Variants in OSBPL2 observed in about 807,000 individuals in gnomAD.
OSBPL2 encodes the protein oxysterol binding protein like 2.
Under a neutral mutation model 58.4 loss-of-function variants are expected in OSBPL2, and 18 were observed. The ratio of observed to expected loss-of-function variants is 0.31; its 90% CI spans 0.21 to 0.46. The LOEUF (loss-of-function observed/expected upper bound fraction) is 0.46. Among genes scored for constraint, OSBPL2 ranks in the 20% least tolerant of loss-of-function variants. OSBPL2 has a pLI of 1.00. For missense variants in OSBPL2, 461 were observed against 616.5 expected (o/e 0.75, Z 2.67); for synonymous variants, 221 against 234.1 (o/e 0.94, Z 0.51).
rs1338241604 is a variant in OSBPL2, at chr20:62,290,146, TTCTC to T, written c.1249+817_1249+820del. ...TCTGTAACATGGCAGATGAACAACT[TTCTC>T]ACTCACTCATCTAGATGGAATCCGC... On this transcript the variant is annotated intron_variant, in intron 12 of 13. Transcript: ENST00000313733. Among the ~76,000 whole-genome samples, 4 of 152,132 alleles carry T rather than the reference TTCTC, an allele frequency of 2.6e-5. 1 individual carries two copies. The highest frequency in any genetic ancestry group is 2.1e-4 in the South Asian group (1 of 4,820).
chr20:62,262,139 C>T (rs1377463406), intron 3 of OSBPL2, among the ~76,000 whole-genome samples: 1 of 151,582 alleles, frequency 6.6e-6, no homozygotes, highest in Non-Finnish European at 1.5e-5. Context: ...GACCACATGG[C>T]CGGCCTCACA....
intron 12 of OSBPL2, chr20:62,291,298 A>G: frequency 6.5e-6 from 2 of 306,678 alleles, no homozygotes; most frequent in Admixed American, 4.6e-5. Flanking sequence ...GGGAAGGTCA[A>G]GGCTAAAGGG....
chr20:62,292,906 T>C (rs957357260), intron 13 of OSBPL2, among the ~76,000 whole-genome samples: 2 of 151,972 alleles, frequency 1.3e-5, no homozygotes, highest in African/African-American at 2.4e-5. Context: ...TTGTTGTTGT[T>C]GCCCAGGCTG....
intron 3 of OSBPL2, among the ~76,000 whole-genome samples, chr20:62,262,257 C>G (rs942235600): frequency 4.6e-5 from 7 of 152,200 alleles, no homozygotes; most frequent in Admixed American, 3.9e-4. Context: ...AAAGCCAGCA[C>G]CCTCACCTGT....
intron 1 of OSBPL2, among the ~76,000 whole-genome samples, chr20:62,242,870 C>T (rs1362010513): frequency 1.3e-5 from 2 of 152,140 alleles, no homozygotes; most frequent in Non-Finnish European, 2.9e-5. Context: ...GAGCACCAGG[C>T]AGGGAGGACT....
Position 62,256,054 on chromosome 20 carries a change from TAGA to T in OSBPL2, c.-128-2_-128del. On this transcript the variant is annotated splice_acceptor_variant and 5_prime_UTR_variant, in exon 2 of 14. Coordinates refer to ENST00000313733, the MANE Select transcript of OSBPL2 (RefSeq NM_144498.4). LOFTEE classifies it low-confidence loss of function (5UTR_SPLICE). ...AAGTATGCCAAAATTTTTTTCCCTTTAGATCTTCAGTGTCTATTGGATTTTTCC... is the reference window on the plus strand; with the variant it reads ...AAGTATGCCAAAATTTTTTTCCCTTTTCTTCAGTGTCTATTGGATTTTTCC... The T allele has an allele frequency of 1.8e-6, 2 of 1,110,112 alleles. No individual in the cohort carries two copies. The highest frequency in any genetic ancestry group is 1.3e-6 in the Non-Finnish European group (1 of 788,336). The allele number at this position is 1,110,112 out of a possible 1,614,324, so 68.8% of individuals were successfully genotyped here. A position where few individuals can be genotyped will look rare whatever the true frequency, so the allele number is the denominator to read the frequency against.
At chr20:62,258,078 G>T (rs1375296429) in intron 2 of OSBPL2, among the ~76,000 whole-genome samples, 2 of 152,120 alleles carry the variant, frequency 1.3e-5, no homozygotes, top group African/African-American at 2.4e-5. Context: ...GTGTGATGTG[G>T]TACTCAGATG....
At chr20:62,278,071 C>T (rs957499142) in intron 6 of OSBPL2, among the ~76,000 whole-genome samples, 1 of 152,222 alleles carries the variant, frequency 6.6e-6, no homozygotes, top group East Asian at 1.9e-4. Context: ...CTGGGTACCT[C>T]TAGCCAGACA....
At chr20:62,287,642 G>A (rs1190040184) in intron 11 of OSBPL2, among the ~76,000 whole-genome samples, 1 of 152,102 alleles carries the variant, frequency 6.6e-6, no homozygotes, top group Non-Finnish European at 1.5e-5. Flanking sequence ...TTTTTGTAGA[G>A]AGGAGGTCTT....
intron 1 of OSBPL2, among the ~76,000 whole-genome samples, chr20:62,252,843 G>C (rs183645743): frequency 1.1e-4 from 16 of 152,374 alleles, no homozygotes; most frequent in Non-Finnish European, 2.2e-4. Context: ...TGAGAGAGAC[G>C]CCTTTAAAGA....
intron 1 of OSBPL2, among the ~76,000 whole-genome samples, chr20:62,248,375 C>T (rs574110605): frequency 5.9e-5 from 9 of 152,030 alleles, no homozygotes; most frequent in Admixed American, 2.0e-4. Context: ...AGGCTGGTCT[C>T]GAACTCCTGA....
chr20:62,293,796 C>G lies in OSBPL2; in HGVS notation c.1352C>G (p.Pro451Arg), dbSNP rs761939265. ...EAEWQTRWFY[P>R]GNNPYTGTPD... ...CTTGTATCCGGCAGGTGGTTCTACC[C>G]AGGCAATAACCCCTACACTGGGACC... The change falls in exon 14 of 14, where the codon CCA (proline) becomes CGA (arginine). Residue 451 changes from proline to arginine, a missense_variant. By Grantham distance (103) the Pro-to-Arg change is moderately radical. This residue lies in a region of OSBPL2 where 319 missense variants were observed against 419.2 expected (regional missense o/e 0.76). Coordinates refer to ENST00000313733, the MANE Select transcript of OSBPL2 (RefSeq NM_144498.4). The G allele has an allele frequency of 4.3e-6, 7 of 1,613,674 alleles. No homozygotes were observed. The Admixed American group carries it at 6.7e-5, about 15-fold the overall frequency.
intron 1 of OSBPL2, among the ~76,000 whole-genome samples, chr20:62,247,977 C>A (rs1169175278): frequency 1.4e-4 from 21 of 151,934 alleles, no homozygotes; most frequent in Non-Finnish European, 2.8e-4. Context: ...AGGGTCCTTT[C>A]TAAGACAGAA....
Position 62,286,722 on chromosome 20 carries a change from C to G in OSBPL2, c.1125+11C>G. On this transcript the variant is annotated intron_variant, in intron 11 of 13. Coordinates refer to ENST00000313733, the MANE Select transcript of OSBPL2 (RefSeq NM_144498.4). The stretch of plus-strand genomic sequence containing the variant: ...CCCAACTCTGCCCAGGTCTGTGTCC[C>G]TCCATGGCCTGACGTCTCTGCCTGC... The G allele has an allele frequency of 6.2e-7, 1 of 1,605,930 alleles. No homozygotes were observed. Among genetic ancestry groups the G allele is most frequent in the Non-Finnish European group, 8.5e-7 (1 of 1,174,404 alleles).
At chr20:62,291,831 G>A (rs374348597) in intron 13 of OSBPL2, 38 bp downstream of exon 13, 1 of 1,571,558 alleles carries the variant, frequency 6.4e-7, no homozygotes, top group Non-Finnish European at 8.7e-7. Context: ...GGGGCAGCGG[G>A]GAGGCCCCAC....
chr20:62,266,637 G>A (rs550502522), intron 4 of OSBPL2, among the ~76,000 whole-genome samples: 3 of 152,208 alleles, frequency 2.0e-5, no homozygotes, highest in African/African-American at 4.8e-5. Flanking sequence ...TGCAGTGACG[G>A]GCTGTGGCTC....
Position 62,281,830 on chromosome 20 carries a change from T to C in OSBPL2, c.823T>C (p.Leu275=), listed in dbSNP as rs1160500583. The change falls in exon 9 of 14, where the codon TTA becomes CTA. Residue 275 remains leucine (L), a synonymous_variant. Coordinates refer to ENST00000313733, the MANE Select transcript of OSBPL2 (RefSeq NM_144498.4). ...TGTGCTTCACTTTAAACCGTGTGGA[T>C]TATTTGGAAAAGAACTTCACAAGGT... The part of the protein sequence containing the change: ...KCVLHFKPCG[L]FGKELHKVEG... 4 of 1,612,440 alleles carry C rather than the reference T, an allele frequency of 2.5e-6. No homozygotes were observed. Among genetic ancestry groups the C allele is most frequent in the Non-Finnish European group, 2.5e-6 (3 of 1,178,654 alleles).
At chr20:62,260,607 G>T (rs1275354149) in intron 3 of OSBPL2, among the ~76,000 whole-genome samples, 1 of 151,588 alleles carries the variant, frequency 6.6e-6, no homozygotes. Context: ...TAATTTCCTT[G>T]TTGTAGCAAG....
At chr20:62,281,957 C>T (rs2145967437) in intron 9 of OSBPL2, 78 bp downstream of exon 9, 2 of 869,292 alleles carry the variant, frequency 2.3e-6, no homozygotes, top group Non-Finnish European at 2.0e-6. Context: ...TGCTCCTGGG[C>T]CTGCGTGTGC....
Sources: allele counts gnomAD v4.1 joint callset (sites outside exome capture counted in the v4.1 genomes callset), GRCh38; gene constraint gnomAD v4.1.1; regional missense constraint gnomAD v4.1.1; transcripts MANE v1.5; gene names NCBI Gene and HGNC (gene_info 2026-07-23, HGNC 2026-07-21).